MEGF11: variants seen among roughly 807,000 people sequenced by gnomAD.
MEGF11 encodes multiple epidermal growth factor-like domains protein 11.
Under a neutral mutation model 146.6 loss-of-function variants are expected in MEGF11, and 126 were observed. The observed-to-expected ratio is 0.86, with a 90% confidence interval of 0.74 to 1.00. MEGF11 has a LOEUF of 1.00. MEGF11 is among the 50% of genes least tolerant of loss of function. MEGF11 has a pLI of 0.00. For synonymous variants in MEGF11, 532 were observed against 583.4 expected (o/e 0.91, Z 1.27); for missense variants, 1,509 against 1,521.2 (o/e 0.99, Z 0.13).
chr15:65,916,758 A>G (rs752204907), intron 17 of MEGF11, 70 bp downstream of exon 17: 1 of 1,568,962 alleles, frequency 6.4e-7, no homozygotes, highest in Non-Finnish European at 8.6e-7. Flanking sequence ...GGTCTGGACA[A>G]TGCCCACAGT....
chr15:65,970,617 G>A lies in MEGF11; in HGVS notation c.835C>T (p.His279Tyr). The change falls in exon 8 of 26, where the codon CAT becomes TAT. Residue 279 changes from histidine (H) to tyrosine (Y), a missense_variant. Transcript: ENST00000395614. ...QNCSQDCPCHHGGQCDHVTGQ... is the reference protein window; with the variant it reads ...QNCSQDCPCHYGGQCDHVTGQ... ...GTCACGTGGTCACACTGCCCTCCAT[G>A]GTGGCAAGGACAATCCTGGCTGCAG... 6.2e-7 allele frequency: 1 copy of A among 1,613,848 alleles called. No individual in the cohort carries two copies.
Position 66,250,582 on chromosome 15 carries a change from G to A in MEGF11, c.-9+3023C>T, listed in dbSNP as rs1404652577. Among the ~76,000 whole-genome samples the A allele has an allele frequency of 5.3e-5, 8 of 152,290 alleles. No homozygotes were observed. In the East Asian group the frequency reaches 1.5e-3, roughly 29 times the overall value. Reference sequence around the variant, plus strand: ...CGTGTTCCTGCCTTTCATAAGTTCGGAACACTGAAGCAGCTAGAAGTTATG... The same window carrying A: ...CGTGTTCCTGCCTTTCATAAGTTCGAAACACTGAAGCAGCTAGAAGTTATG... On this transcript the variant is annotated intron_variant, in intron 1 of 25. Transcript: ENST00000395614.
chr15:65,897,726 G>A lies in MEGF11; in HGVS notation c.*208C>T. On this transcript the variant is annotated 3_prime_UTR_variant, in exon 26 of 26. Transcript: ENST00000395614. ...CATATAATCCAGGGCATTTGGGGCT[G>A]AGTGGGTGATAGGATTTGCCTTTGA... 2.3e-6 allele frequency: 1 copy of A among 442,918 alleles called. No homozygotes were observed. 27.4% of individuals were successfully genotyped at this position (442,918 alleles called of 1,614,324 possible).
At chr15:66,031,769 A>G (rs1002720245) in intron 5 of MEGF11, among the ~76,000 whole-genome samples, 1 of 152,196 alleles carries the variant, frequency 6.6e-6, no homozygotes, top group Non-Finnish European at 1.5e-5. Flanking sequence ...TCTGGTCTGA[A>G]TGTGTCTCCC....
chr15:65,969,930 C>T (rs866792400), intron 8 of MEGF11, among the ~76,000 whole-genome samples: 1 of 152,160 alleles, frequency 6.6e-6, no homozygotes, highest in Non-Finnish European at 1.5e-5. Context: ...CCATCACACA[C>T]ACCGGTTGCT....
At chr15:66,040,527 C>A (rs58571730) in intron 5 of MEGF11, among the ~76,000 whole-genome samples, 39,846 of 151,886 alleles carry the variant, frequency 0.26, 6,580 homozygotes, top group East Asian at 0.63. Context: ...CGTTCTCTGT[C>A]CTTCAGGTAG....
At chr15:66,105,267 T>C (rs545986719) in intron 4 of MEGF11, among the ~76,000 whole-genome samples, 97 of 151,686 alleles carry the variant, frequency 6.4e-4, no homozygotes, top group Middle Eastern at 3.4e-3. Context: ...GAGGCCCAAA[T>C]AAAGGAAAGG....
At chr15:66,040,831 G>A (rs1007803359) in intron 5 of MEGF11, among the ~76,000 whole-genome samples, 1 of 152,120 alleles carries the variant, frequency 6.6e-6, no homozygotes, top group East Asian at 1.9e-4. Context: ...ACTGCTCAAG[G>A]TACCTGGCCA....
intron 5 of MEGF11, among the ~76,000 whole-genome samples, chr15:66,080,169 T>G (rs2140531777): frequency 6.6e-6 from 1 of 152,316 alleles, no homozygotes; most frequent in Non-Finnish European, 1.5e-5. Context: ...ACTCAGGGGC[T>G]GGGCAGTCTC....
intron 5 of MEGF11, among the ~76,000 whole-genome samples, chr15:66,056,839 T>C (rs333576): frequency 1 from 152,231 of 152,330 alleles, 76,066 homozygotes; most frequent in Middle Eastern, 1. Context: ...AAGGTCCCCC[T>C]TCACCCTGTC....
At chr15:66,084,216 A>C (rs1423741525) in intron 5 of MEGF11, among the ~76,000 whole-genome samples, 1 of 152,194 alleles carries the variant, frequency 6.6e-6, no homozygotes, top group Non-Finnish European at 1.5e-5. Context: ...GACGGTATCT[A>C]ATAAGTGGTT....
chr15:66,019,253 C>T (rs1237701462), intron 5 of MEGF11, among the ~76,000 whole-genome samples: 1 of 152,176 alleles, frequency 6.6e-6, no homozygotes. Context: ...ACTCCCCTTG[C>T]CAAGCACCAA....
intron 5 of MEGF11, among the ~76,000 whole-genome samples, chr15:66,072,519 G>T (rs2085410662): frequency 6.6e-6 from 1 of 152,278 alleles, no homozygotes; most frequent in South Asian, 2.1e-4. Context: ...CACCTTCTCT[G>T]TCCTGTTTAC....
chr15:66,094,603 G>T, intron 4 of MEGF11, 109 bp from the exon 5 acceptor site: 1 of 880,680 alleles, frequency 1.1e-6, no homozygotes. Flanking sequence ...GCCCAGGGAT[G>T]CTTAGAACGC....
At chr15:65,914,074 A>G in intron 19 of MEGF11, 101 bp from the exon 20 acceptor site, 10 of 891,814 alleles carry the variant, frequency 1.1e-5, no homozygotes, top group Non-Finnish European at 1.7e-5. Flanking sequence ...ATGTTAGGAG[A>G]TCTGGTTCTG....
chr15:65,915,535 G>A lies in MEGF11; in HGVS notation c.2408C>T (p.Thr803Ile). The change falls in exon 19 of 26, where the codon ACC (threonine) becomes ATC (isoleucine). Residue 803 changes from threonine to isoleucine, a missense_variant. By Grantham distance (89) the Thr-to-Ile change is moderately conservative. Transcript: ENST00000395614. Reference protein sequence around the residue: ...QQLCECMNNSTCDHVTGTCYC... With the variant: ...QQLCECMNNSICDHVTGTCYC... ...ACAGGTGCCGGTGACATGGTCACAGGTGGAGTTGTTCATGCACTCACATAG... is the reference window on the plus strand; with the variant it reads ...ACAGGTGCCGGTGACATGGTCACAGATGGAGTTGTTCATGCACTCACATAG... 1.2e-6 allele frequency: 2 copies of A among 1,613,966 alleles called. No homozygotes were observed. The highest frequency in any genetic ancestry group is 1.7e-6 in the Non-Finnish European group (2 of 1,179,872).
rs557413901 is a variant in MEGF11, at chr15:66,064,544, T to G, written c.394+29858A>C. Among the ~76,000 whole-genome samples the G allele has an allele frequency of 9.9e-4, 150 of 151,808 alleles. 4 individuals are homozygous for G. The South Asian group carries it at 0.03, about 30-fold the overall frequency. ...TTTTTCTTCTCTTTTTGAGATGGAGTTTCACTCTTGTTGCCCAGGCTGGAG... is the reference window on the plus strand; with the variant it reads ...TTTTTCTTCTCTTTTTGAGATGGAGGTTCACTCTTGTTGCCCAGGCTGGAG... On this transcript the variant is annotated intron_variant, in intron 5 of 25. Transcript: ENST00000395614.
intron 23 of MEGF11, among the ~76,000 whole-genome samples, chr15:65,907,180 G>T (rs961647182): frequency 6.6e-6 from 1 of 152,164 alleles, no homozygotes; most frequent in Non-Finnish European, 1.5e-5. Context: ...GCTCCTCTAC[G>T]TAGAGTTCCC....
chr15:66,010,735 T>G (rs1055401240), intron 5 of MEGF11, among the ~76,000 whole-genome samples: 2 of 152,198 alleles, frequency 1.3e-5, no homozygotes, highest in African/African-American at 4.8e-5. Flanking sequence ...CACTTGCATG[T>G]CTAGATGTTT....
Sources: gnomAD v4.1 joint callset for allele counts (sites outside exome capture counted in the v4.1 genomes callset) on GRCh38, gnomAD v4.1.1 for gene constraint, MANE v1.5 for transcripts, NCBI Gene and HGNC (gene_info 2026-07-23, HGNC 2026-07-21) for gene names.